The following AGAP1 variants were observed in gnomAD, a reference collection of about 807,000 sequenced individuals.
The protein encoded by AGAP1 is ArfGAP with GTPase domain, ankyrin repeat and PH domain 1, also known as arf-GAP with GTPase, ANK repeat and PH domain-containing protein 1.
Under a neutral mutation model 105.3 loss-of-function variants are expected in AGAP1, and 29 were observed. The observed-to-expected ratio is 0.28, with a 90% CI of 0.21 to 0.38. AGAP1 has a LOEUF of 0.38. Among genes scored for constraint, AGAP1 ranks in the 10% least tolerant of loss-of-function variants. The pLI is 1.00. For missense variants in AGAP1, 998 were observed against 1,165.1 expected, an observed-to-expected ratio of 0.86 and a Z score of 2.09; for synonymous variants, 509 against 485.9, an observed-to-expected ratio of 1.05 and a Z score of -0.63.
intron 13 of AGAP1, among the ~76,000 whole-genome samples, chr2:236,019,141 A>AGTTT (rs2056805941): frequency 6.6e-6 from 1 of 152,154 alleles, no homozygotes; most frequent in Non-Finnish European, 1.5e-5. Context: ...CAGTTAAACA[A>AGTTT]ATTACAGGCC....
At chr2:236,093,461 A>G (rs2059115341) in intron 16 of AGAP1, among the ~76,000 whole-genome samples, 1 of 152,196 alleles carries the variant, frequency 6.6e-6, no homozygotes, top group Non-Finnish European at 1.5e-5. Context: ...CTCTGTAGTA[A>G]TATTTTGACC....
intron 8 of AGAP1, 81 bp from the exon 9 acceptor site, chr2:235,807,158 A>C (rs1957879146): frequency 3.6e-6 from 5 of 1,406,706 alleles, no homozygotes; most frequent in Non-Finnish European, 4.9e-6. Context: ...GTGTATTGGC[A>C]GGAATTCTGC....
chr2:235,731,838 G>A lies in AGAP1; in HGVS notation c.311-9125G>A, dbSNP rs533000900. ...GTTTACATAATAAACGTCAAAAAAC[G>A]CAGGCTCTAAGGAACAAAAAGGAAG... On this transcript the variant is annotated intron_variant, in intron 3 of 17. Transcript: ENST00000304032. Among the ~76,000 whole-genome samples, 15 of 152,172 alleles carry A rather than the reference G, an allele frequency of 9.9e-5. No homozygotes were observed. The South Asian group carries it at 2.5e-3, about 25-fold the overall frequency.
Position 235,797,895 on chromosome 2 carries a change from GGT to G in AGAP1, c.801+11_801+12del. On this transcript the variant is annotated intron_variant, in intron 7 of 17. Transcript: ENST00000304032. ...CCGTGCACATCAGCCAGGTACGTTA[GGT>G]GACATGAGAAGTCAGACTCTTAGAA... 6.2e-7 allele frequency: 1 copy of G among 1,613,992 alleles called. No homozygotes were observed. Among genetic ancestry groups the G allele is most frequent in the Non-Finnish European group, 8.5e-7 (1 of 1,179,992 alleles).
chr2:235,759,292 C>T (rs1954212655), intron 6 of AGAP1, among the ~76,000 whole-genome samples: 1 of 151,900 alleles, frequency 6.6e-6, no homozygotes, highest in African/African-American at 2.4e-5. Context: ...CTTCAGCCTC[C>T]CAAGTAGCTG....
chr2:235,577,825 G>GGT lies in AGAP1; in HGVS notation c.163+82976_163+82977insGT, dbSNP rs1486575896. ...GAAATGTAATCCCTCCTTCAGCGCT[G>GGT]CACAAAAGGCCCATGTCTGCTCGCT... is the stretch of plus-strand genomic sequence containing the variant. On this transcript the variant is annotated intron_variant, in intron 1 of 17. Coordinates refer to ENST00000304032, the MANE Select transcript of AGAP1 (RefSeq NM_001037131.3). This position sits in a 1 kb window ranked among gnomAD's most constrained non-coding sequence, Gnocchi z 4.5. Among the ~76,000 whole-genome samples, 18 of 152,080 alleles carry GGT rather than the reference G, an allele frequency of 1.2e-4. No homozygotes were observed. Among genetic ancestry groups the GGT allele is most frequent in the African/African-American group, 4.3e-4 (18 of 41,414 alleles).
At chr2:235,511,583 T>C (rs948521670) in intron 1 of AGAP1, among the ~76,000 whole-genome samples, 2 of 152,180 alleles carry the variant, frequency 1.3e-5, no homozygotes, top group Admixed American at 6.5e-5. Context: ...CGAACTTCTT[T>C]GATTATTAAC....
Position 235,690,219 on chromosome 2 carries a change from C to A in AGAP1, c.164-18960C>A, listed in dbSNP as rs1435982412. On this transcript the variant is annotated intron_variant, in intron 1 of 17. Coordinates refer to ENST00000304032, the MANE Select transcript of AGAP1 (RefSeq NM_001037131.3). This position sits in a 1 kb window ranked among gnomAD's most constrained non-coding sequence, Gnocchi z 4.1. ...GGCTTCACTTTTACCACTCAGAGAA[C>A]TTTAGTACACAGTCTTAAACAACCC... is the stretch of plus-strand genomic sequence containing the variant. 6.6e-6 allele frequency among the ~76,000 whole-genome samples: 1 copy of A among 151,974 alleles called. No individual in the cohort carries two copies. The highest frequency in any genetic ancestry group is 1.5e-5 in the Non-Finnish European group (1 of 68,006).
At chr2:235,966,219 C>T (rs1323729506) in intron 12 of AGAP1, among the ~76,000 whole-genome samples, 1 of 142,404 alleles carries the variant, frequency 7.0e-6, no homozygotes, top group Non-Finnish European at 1.5e-5. Context: ...AGAGGGGAGC[C>T]CATTTCTCTA....
At position 236,000,776 on chromosome 2, in the gene AGAP1, A is replaced by AG. The variant is rs1318567332; in HGVS notation, c.1645+32159dup. On this transcript the variant is annotated intron_variant, in intron 13 of 17. Coordinates refer to ENST00000304032, the MANE Select transcript of AGAP1 (RefSeq NM_001037131.3). This position sits in a 1 kb window ranked among gnomAD's most constrained non-coding sequence, Gnocchi z 4.3. ...ATTGTGTTTGCAGTGAGGGCCACTAAGGGGGGCGGAGAAGACCCCTGACAG... is the reference window on the plus strand; with the variant it reads ...ATTGTGTTTGCAGTGAGGGCCACTAAGGGGGGGCGGAGAAGACCCCTGACAG... 6.6e-6 allele frequency among the ~76,000 whole-genome samples: 1 copy of AG among 152,186 alleles called. No individual in the cohort carries two copies. The highest frequency in any genetic ancestry group is 2.4e-5 in the African/African-American group (1 of 41,452).
rs949601636 is a variant in AGAP1 at position 235,854,920 on chromosome 2, C to T, written c.1051-28425C>T. ...GTGTAGATCGTTTCTGCTGCAGGAG[C>T]CCAGGACGTTTGGTCAGCTCTGACT... On this transcript the variant is annotated intron_variant, in intron 9 of 17. Coordinates refer to ENST00000304032, the MANE Select transcript of AGAP1 (RefSeq NM_001037131.3). Among the ~76,000 whole-genome samples the T allele has an allele frequency of 2.8e-5, 4 of 141,782 alleles. No individual in the cohort carries two copies. The East Asian group carries it at 8.5e-4, about 30-fold the overall frequency. 93.0% of individuals were successfully genotyped at this position (141,782 alleles called of 152,430 possible).
At position 235,835,435 on chromosome 2, in the gene AGAP1, C is replaced by T. The variant is rs1039222071; in HGVS notation, c.1050+28104C>T. On this transcript the variant is annotated intron_variant, in intron 9 of 17. Transcript: ENST00000304032. ...TGGAGCGTTTTTCTTCCTTCATCTACGTCTGTGTTTTGTAAACTTGTCATC... is the reference window on the plus strand; with the variant it reads ...TGGAGCGTTTTTCTTCCTTCATCTATGTCTGTGTTTTGTAAACTTGTCATC... 2.6e-5 allele frequency among the ~76,000 whole-genome samples: 4 copies of T among 152,218 alleles called. No individual in the cohort carries two copies. The South Asian group carries it at 8.3e-4, about 32-fold the overall frequency.
intron 1 of AGAP1, among the ~76,000 whole-genome samples, chr2:235,572,348 G>T (rs991666814): frequency 6.6e-6 from 1 of 151,954 alleles, no homozygotes; most frequent in Admixed American, 6.6e-5. Flanking sequence ...CAGGCATGGG[G>T]TGGCTGAGCC....
intron 12 of AGAP1, among the ~76,000 whole-genome samples, chr2:235,954,494 C>G (rs1325770902): frequency 6.6e-6 from 1 of 150,456 alleles, no homozygotes; most frequent in Non-Finnish European, 1.5e-5. Flanking sequence ...CTAACTTTCT[C>G]CTTACAATGC....
intron 13 of AGAP1, among the ~76,000 whole-genome samples, chr2:236,022,833 C>G (rs2056928527): frequency 6.6e-6 from 1 of 152,142 alleles, no homozygotes; most frequent in African/African-American, 2.4e-5. Context: ...CTACCGCACC[C>G]GGTCAGCAGG....
intron 16 of AGAP1, among the ~76,000 whole-genome samples, chr2:236,097,891 C>T (rs921659464): frequency 5.9e-5 from 9 of 152,170 alleles, no homozygotes; most frequent in African/African-American, 2.2e-4. Context: ...CTCCCGGCAC[C>T]TCATGTGAGT....
chr2:235,760,418 A>G (rs1314492358), intron 6 of AGAP1, among the ~76,000 whole-genome samples: 1 of 152,242 alleles, frequency 6.6e-6, no homozygotes, highest in Non-Finnish European at 1.5e-5. Flanking sequence ...CAAATGTGTA[A>G]GATAGAATTC....
chr2:236,124,246 C>T lies in AGAP1; in HGVS notation c.*124C>T. ...CCCTCTTCCTGGTGGCCACCTCCCT[C>T]CCGCCCACCCACTCTCACCCCAAAC... On this transcript the variant is annotated 3_prime_UTR_variant, in exon 18 of 18. Transcript: ENST00000304032. This position sits in a 1 kb window ranked among gnomAD's most constrained non-coding sequence, Gnocchi z 5.1. 1 of 1,081,144 alleles carries T rather than the reference C, an allele frequency of 9.2e-7. No homozygotes were observed. 67.0% of individuals were successfully genotyped at this position (1,081,144 alleles called of 1,614,324 possible).
At chr2:235,764,002 C>CGTGCGTGGCTGTGACCT (rs1233102011) in intron 6 of AGAP1, among the ~76,000 whole-genome samples, 7 of 151,972 alleles carry the variant, frequency 4.6e-5, no homozygotes, top group African/African-American at 1.7e-4. Context: ...GGCTGTGATC[C>CGTGCGTGGCTGTGACCT]GTGCGTGGCT....
Sources: allele counts gnomAD v4.1 joint callset (sites outside exome capture counted in the v4.1 genomes callset), GRCh38; gene constraint gnomAD v4.1.1; non-coding constraint Gnocchi (gnomAD v3.1); transcripts MANE v1.5; gene names NCBI Gene and HGNC (gene_info 2026-07-23, HGNC 2026-07-21).